KLHL4: variants seen among roughly 807,000 people sequenced by gnomAD.
KLHL4 encodes kelch-like protein 4.
Under a neutral mutation model 45.8 loss-of-function variants are expected in KLHL4, and 17 were observed. That is an observed-to-expected ratio of 0.37 (90% CI 0.25 to 0.56). KLHL4 has a LOEUF of 0.56. KLHL4 is among the 20% of genes least tolerant of loss of function. The probability of loss-of-function intolerance (pLI) is 0.79; values close to 1 mark genes in which losing one functional copy is unlikely to be tolerated. For synonymous variants in KLHL4, 224 were observed against 189.9 expected (o/e 1.18, Z -1.47); for missense variants, 544 against 544.9 (o/e 1.00, Z 0.02).
At chrX:87,639,745 C>A (rs1387261236) in intron 9 of KLHL4, among the ~76,000 whole-genome samples, 1 of 110,325 alleles carries the variant, frequency 9.1e-6, no homozygotes, top group East Asian at 2.8e-4. Context: ...TGAATGCCTA[C>A]ATCAAAAAGT....
chrX:87,544,240 G>A (rs899091918), intron 1 of KLHL4, among the ~76,000 whole-genome samples: 3 of 111,313 alleles, frequency 2.7e-5, no homozygotes, highest in Admixed American at 9.6e-5. Context: ...CTCTGCCTTT[G>A]GAAAGGGGAG....
At position 87,668,128 on chromosome X, in the gene KLHL4, G is replaced by A. The variant is rs1924433273; in HGVS notation, c.*1594G>A. 1 of 750,034 alleles carries A rather than the reference G, an allele frequency of 1.3e-6. No individual in the cohort carries two copies. Among genetic ancestry groups the A allele is most frequent in the African/African-American group, 2.3e-5 (1 of 43,264 alleles). The allele number at this position is 750,034 out of a possible 1,213,427, so 61.8% of individuals were successfully genotyped here. ...TTCTAGAGGTGAAGATAGAGACATA[G>A]AGAGGCTGTGAAACACACATACAGC... On this transcript the variant is annotated 3_prime_UTR_variant, in exon 11 of 11. Transcript: ENST00000373119.
intron 9 of KLHL4, among the ~76,000 whole-genome samples, chrX:87,636,388 C>G (rs1055066448): frequency 7.1e-5 from 8 of 111,892 alleles, no homozygotes; most frequent in African/African-American, 2.3e-4. Flanking sequence ...AGCTCCCACT[C>G]ATATAGACAG....
intron 1 of KLHL4, among the ~76,000 whole-genome samples, chrX:87,603,252 AGT>A (rs1922076004): frequency 8.9e-6 from 1 of 112,223 alleles, no homozygotes; most frequent in South Asian, 3.6e-4. Flanking sequence ...CAAGAAAATA[AGT>A]GTGTAAGAAC....
intron 1 of KLHL4, among the ~76,000 whole-genome samples, chrX:87,599,837 G>A (rs1286820095): frequency 1.8e-5 from 2 of 111,170 alleles, no homozygotes; most frequent in Admixed American, 9.6e-5. Flanking sequence ...AGCAGCATTC[G>A]GTGAAAAACA....
At chrX:87,656,923 C>G (rs1233643306) in intron 9 of KLHL4, among the ~76,000 whole-genome samples, 1 of 111,506 alleles carries the variant, frequency 9.0e-6, no homozygotes, top group Non-Finnish European at 1.9e-5. Flanking sequence ...CAAGATCAGG[C>G]TTTGAGTCTC....
chrX:87,621,667 T>C (rs1452318165), intron 4 of KLHL4, among the ~76,000 whole-genome samples: 1 of 111,554 alleles, frequency 9.0e-6, no homozygotes, highest in Non-Finnish European at 1.9e-5. Flanking sequence ...AAAAGAGTAC[T>C]TTTCTCTTGG....
At chrX:87,606,792 A>G (rs1922212696) in intron 1 of KLHL4, among the ~76,000 whole-genome samples, 1 of 111,592 alleles carries the variant, frequency 9.0e-6, no homozygotes, top group African/African-American at 3.2e-5. Flanking sequence ...TATCAGCATT[A>G]TTAATTCTAA....
At position 87,668,526 on chromosome X, in the gene KLHL4, A is replaced by G. The variant is rs1924452927; in HGVS notation, c.*1992A>G. 2 of 736,225 alleles carry G rather than the reference A, an allele frequency of 2.7e-6. No individual in the cohort carries two copies. Among genetic ancestry groups the G allele is most frequent in the Non-Finnish European group, 3.2e-6 (2 of 624,276 alleles). The allele number at this position is 736,225 out of a possible 1,213,427, so 60.7% of individuals were successfully genotyped here. A position where few individuals can be genotyped will look rare whatever the true frequency, so the allele number is the denominator to read the frequency against. On this transcript the variant is annotated 3_prime_UTR_variant, in exon 11 of 11. Transcript: ENST00000373119. ...GGCCACTATGGCTGCTGTGGTTTGA[A>G]TATTTTTTTCCCTCGAAAACTCATG... is the stretch of plus-strand genomic sequence containing the variant.
intron 9 of KLHL4, among the ~76,000 whole-genome samples, chrX:87,636,362 G>A (rs1046300709): frequency 2.7e-5 from 3 of 111,818 alleles, no homozygotes; most frequent in Non-Finnish European, 3.8e-5. Context: ...GCAGATAGGA[G>A]CCAGGAATAA....
At chrX:87,551,608 T>TAGAA (rs1931824796) in intron 1 of KLHL4, among the ~76,000 whole-genome samples, 12 of 107,133 alleles carry the variant, frequency 1.1e-4, no homozygotes, top group South Asian at 4.1e-4. Flanking sequence ...GATAGATAGA[T>TAGAA]AGAAATAGAA....
Position 87,571,329 on chromosome X carries a change from G to A in KLHL4, c.423-42548G>A, listed in dbSNP as rs770030631. 7.3e-5 allele frequency among the ~76,000 whole-genome samples: 8 copies of A among 110,175 alleles called. No individual in the cohort carries two copies. In the South Asian group the frequency reaches 1.5e-3, roughly 21 times the overall value. Reference sequence around the variant, plus strand: ...CCTTACTACAACAAAAAATATTCTCGAAAACCACTCTTTTGGTGATTTAAA... The same window carrying A: ...CCTTACTACAACAAAAAATATTCTCAAAAACCACTCTTTTGGTGATTTAAA... On this transcript the variant is annotated intron_variant, in intron 1 of 10. Transcript: ENST00000373119.
chrX:87,641,886 G>A (rs1923472617), intron 9 of KLHL4, among the ~76,000 whole-genome samples: 1 of 110,171 alleles, frequency 9.1e-6, no homozygotes, highest in Admixed American at 9.6e-5. Context: ...GCTGCAGCAA[G>A]ACCCACCCAA....
intron 1 of KLHL4, among the ~76,000 whole-genome samples, chrX:87,594,957 C>A (rs73232420): frequency 0.25 from 26,781 of 109,295 alleles, 2,779 homozygotes; most frequent in East Asian, 0.54. Context: ...AATATTAGGT[C>A]AAGCTTTGTT....
chrX:87,633,220 C>T (rs943377226), intron 7 of KLHL4, among the ~76,000 whole-genome samples: 1 of 110,963 alleles, frequency 9.0e-6, no homozygotes, highest in Non-Finnish European at 1.9e-5. Flanking sequence ...AAAGCAGATG[C>T]GAAGCAGAAA....
At chrX:87,548,047 C>G (rs1286100889) in intron 1 of KLHL4, among the ~76,000 whole-genome samples, 1 of 110,709 alleles carries the variant, frequency 9.0e-6, no homozygotes, top group Admixed American at 9.7e-5. Flanking sequence ...ACAAATAAGA[C>G]TACCTCAAGA....
intron 1 of KLHL4, among the ~76,000 whole-genome samples, chrX:87,573,784 G>T (rs981986970): frequency 8.1e-5 from 9 of 111,442 alleles, no homozygotes; most frequent in African/African-American, 2.9e-4. Flanking sequence ...GGCTGTATGT[G>T]CTAAGCCATA....
At chrX:87,610,799 C>T (rs1008634692) in intron 1 of KLHL4, among the ~76,000 whole-genome samples, 1 of 111,526 alleles carries the variant, frequency 9.0e-6, no homozygotes, top group African/African-American at 3.3e-5. Flanking sequence ...TGTGGCTGAG[C>T]GCAGTGGCTC....
At chrX:87,614,340 A>AC in intron 2 of KLHL4, 94 bp from the exon 3 acceptor site, 3 of 835,784 alleles carry the variant, frequency 3.6e-6, no homozygotes, top group East Asian at 6.4e-5. Flanking sequence ...GAGAAAACAG[A>AC]CTCACTAGTG....
Sources: allele counts gnomAD v4.1 joint callset (sites outside exome capture counted in the v4.1 genomes callset), GRCh38; gene constraint gnomAD v4.1.1; transcripts MANE v1.5; gene names NCBI Gene and HGNC (gene_info 2026-07-23, HGNC 2026-07-21).